KCNIP4: variants seen among roughly 807,000 people sequenced by gnomAD.
The protein encoded by KCNIP4 is potassium voltage-gated channel interacting protein 4, also known as Kv channel-interacting protein 4.
In KCNIP4, 12 loss-of-function variants were observed where a neutral mutation model predicts 34.0. The ratio of observed to expected loss-of-function variants is 0.35; its 90% CI spans 0.23 to 0.57. The LOEUF is 0.57. Among genes scored for constraint, KCNIP4 ranks in the 20% least tolerant of loss-of-function variants. The pLI, the probability that KCNIP4 is intolerant of heterozygous loss-of-function variation, is 0.83. For synonymous variants in KCNIP4, 124 were observed against 102.2 expected (o/e 1.21, Z -1.29); for missense variants, 238 against 311.7 (o/e 0.76, Z 1.78).
chr4:20,765,526 A>G (rs1327856783), intron 3 of KCNIP4, among the ~76,000 whole-genome samples: 3 of 152,192 alleles, frequency 2.0e-5, no homozygotes, highest in African/African-American at 7.2e-5. Context: ...TAGTGTAACA[A>G]GAACCTCCCC....
chr4:20,934,199 T>C (rs944960591), intron 1 of KCNIP4, among the ~76,000 whole-genome samples: 2 of 152,182 alleles, frequency 1.3e-5, no homozygotes, highest in African/African-American at 4.8e-5. Context: ...TCCAACTTCC[T>C]CCTGTCCATG....
rs1724838346 is a variant in KCNIP4 at position 20,882,721 on chromosome 4, AG to A, written c.62-13del. 6.2e-7 allele frequency: 1 copy of A among 1,604,496 alleles called. No individual in the cohort carries two copies. Among genetic ancestry groups the A allele is most frequent in the South Asian group, 1.1e-5 (1 of 90,846 alleles). ...AGCGTACAGGAAACCTAGAAGATAC[AG>A]GATCAGTTCTGTTAATGCTGTCTGC... On this transcript the variant is annotated splice_polypyrimidine_tract_variant and intron_variant, in intron 1 of 8. Coordinates refer to ENST00000382152, the MANE Select transcript of KCNIP4 (RefSeq NM_025221.6).
chr4:21,287,445 G>A (rs1763189802), intron 1 of KCNIP4, among the ~76,000 whole-genome samples: 1 of 152,170 alleles, frequency 6.6e-6, no homozygotes, highest in African/African-American at 2.4e-5. Context: ...TAATGATACA[G>A]CAATGAACAG....
At chr4:21,785,230 T>C (rs1719824597) in intron 1 of KCNIP4, among the ~76,000 whole-genome samples, 1 of 147,140 alleles carries the variant, frequency 6.8e-6, no homozygotes, top group Admixed American at 7.0e-5. Flanking sequence ...ATTCAATCCA[T>C]GTTAGTATAT....
At chr4:20,967,921 T>C (rs1267675455) in intron 1 of KCNIP4, among the ~76,000 whole-genome samples, 2 of 152,076 alleles carry the variant, frequency 1.3e-5, no homozygotes, top group East Asian at 3.9e-4. Flanking sequence ...AAAGCCACAA[T>C]AGACAAATGG....
intron 2 of KCNIP4, among the ~76,000 whole-genome samples, chr4:20,859,778 A>G (rs992543429): frequency 2.6e-5 from 4 of 152,226 alleles, no homozygotes; most frequent in Admixed American, 2.6e-4. Context: ...GAACACTACT[A>G]CGGAACATCT....
intron 1 of KCNIP4, among the ~76,000 whole-genome samples, chr4:21,464,942 A>C (rs1243649746): frequency 6.6e-6 from 1 of 152,048 alleles, no homozygotes; most frequent in Non-Finnish European, 1.5e-5. Flanking sequence ...GCTATTTTTG[A>C]TTCCTCTGAT....
chr4:21,005,176 C>T (rs1332765311), intron 1 of KCNIP4, among the ~76,000 whole-genome samples: 1 of 152,096 alleles, frequency 6.6e-6, no homozygotes, highest in African/African-American at 2.4e-5. Context: ...CCAATAAAAA[C>T]AGGGGTTCCC....
At chr4:21,174,841 G>A (rs867116779) in intron 1 of KCNIP4, among the ~76,000 whole-genome samples, 5 of 151,542 alleles carry the variant, frequency 3.3e-5, no homozygotes, top group South Asian at 2.1e-4. Flanking sequence ...TGGAGGTTGC[G>A]GTGGACCGAG....
intron 1 of KCNIP4, among the ~76,000 whole-genome samples, chr4:21,028,736 A>G (rs1740755592): frequency 6.6e-6 from 1 of 152,240 alleles, no homozygotes; most frequent in Admixed American, 6.5e-5. Context: ...GAAAGATGAT[A>G]TGGAAACCAA....
At chr4:21,021,848 AAGTATAGTATCGTATAGTAT>A (rs1740075366) in intron 1 of KCNIP4, among the ~76,000 whole-genome samples, 4 of 134,494 alleles carry the variant, frequency 3.0e-5, no homozygotes, top group African/African-American at 1.1e-4. Context: ...TAATAATGAA[AAGTATAGTATCGTATAGTAT>A]AGTATAGTAT....
intron 1 of KCNIP4, among the ~76,000 whole-genome samples, chr4:21,249,901 TTAAG>T (rs1323282985): frequency 6.6e-6 from 1 of 152,122 alleles, no homozygotes; most frequent in African/African-American, 2.4e-5. Context: ...AGCCATTTGC[TTAAG>T]TATTCCATCC....
intron 1 of KCNIP4, among the ~76,000 whole-genome samples, chr4:21,689,535 G>T (rs1449828482): frequency 6.6e-6 from 1 of 152,082 alleles, no homozygotes; most frequent in East Asian, 1.9e-4. Flanking sequence ...AAAGATGGCT[G>T]GGGGTTGAGC....
At chr4:20,953,457 A>C (rs990039893) in intron 1 of KCNIP4, among the ~76,000 whole-genome samples, 16 of 152,138 alleles carry the variant, frequency 1.1e-4, no homozygotes, top group South Asian at 4.1e-4. Flanking sequence ...TGAGGTGGGC[A>C]GATCACTTGA....
intron 1 of KCNIP4, among the ~76,000 whole-genome samples, chr4:21,856,702 G>A (rs950167189): frequency 6.6e-6 from 1 of 152,100 alleles, no homozygotes; most frequent in Non-Finnish European, 1.5e-5. Context: ...TGCACTCTCA[G>A]GAGCCCTGGA....
chr4:21,940,408 C>T (rs1001821264), intron 1 of KCNIP4, among the ~76,000 whole-genome samples: 1 of 152,158 alleles, frequency 6.6e-6, no homozygotes, highest in Non-Finnish European at 1.5e-5. Flanking sequence ...ATATCCATCT[C>T]ACTTCATCCT....
At chr4:21,550,769 T>C (rs1173924883) in intron 1 of KCNIP4, among the ~76,000 whole-genome samples, 1 of 152,088 alleles carries the variant, frequency 6.6e-6, no homozygotes, top group Non-Finnish European at 1.5e-5. Context: ...TGATTATGAA[T>C]CTTGAAGAAA....
chr4:21,042,674 G>A (rs1211324661), intron 1 of KCNIP4, among the ~76,000 whole-genome samples: 3 of 152,100 alleles, frequency 2.0e-5, no homozygotes, highest in Non-Finnish European at 2.9e-5. Context: ...AGCTAGCTAG[G>A]AGAGACGTTT....
intron 1 of KCNIP4, among the ~76,000 whole-genome samples, chr4:21,773,767 G>GTTTTTTTTTTTTTTT (rs373554454): frequency 1.4e-5 from 2 of 138,282 alleles, no homozygotes; most frequent in African/African-American, 6.0e-5. Flanking sequence ...TTGTTTGTTT[G>GTTTTTTTTTTTTTTT]TTTTTGTTTT....
Sources: gnomAD v4.1 joint callset for allele counts (sites outside exome capture counted in the v4.1 genomes callset) on GRCh38, gnomAD v4.1.1 for gene constraint, MANE v1.5 for transcripts, NCBI Gene and HGNC (gene_info 2026-07-23, HGNC 2026-07-21) for gene names.